The following MACF1 variants were observed in gnomAD, a reference collection of about 807,000 sequenced individuals.
The protein encoded by MACF1 is microtubule-actin cross-linking factor 1.
A neutral mutation model predicts 854.8 loss-of-function variants in MACF1; 193 were observed. The observed-to-expected ratio is 0.23, with a 90% CI of 0.20 to 0.25. The LOEUF (loss-of-function observed/expected upper bound fraction) is 0.25, where lower values mean the gene tolerates loss of function less well. MACF1 is among the 10% of genes least tolerant of loss of function. The pLI is 1.00. For missense variants in MACF1, 7,722 were observed against 8,929.1 expected (o/e 0.86, Z 5.45); for synonymous variants, 3,185 against 3,226.7 (o/e 0.99, Z 0.44).
chr1:39,433,644 G>A (rs783818), intron 68 of MACF1, among the ~76,000 whole-genome samples: 5,737 of 152,176 alleles, frequency 0.038, 311 homozygotes, highest in African/African-American at 0.12. Context: ...AACTGACTGA[G>A]CTACTCATCC....
At chr1:39,356,564 G>C (rs955955445) in intron 44 of MACF1, among the ~76,000 whole-genome samples, 2 of 152,054 alleles carry the variant, frequency 1.3e-5, no homozygotes, top group Non-Finnish European at 2.9e-5. Context: ...GTAGAGACAG[G>C]GTTTCACCAT....
At chr1:39,210,546 G>A (rs1644502679) in intron 1 of MACF1, among the ~76,000 whole-genome samples, 1 of 151,786 alleles carries the variant, frequency 6.6e-6, no homozygotes, top group African/African-American at 2.4e-5. Flanking sequence ...TTTGTATGGT[G>A]TAGTAGAAAA....
intron 58 of MACF1, among the ~76,000 whole-genome samples, chr1:39,390,939 CTACTAAAAAAAAATACAAAAAATTAGCT>C (rs1642008914): frequency 6.6e-6 from 1 of 151,860 alleles, no homozygotes; most frequent in African/African-American, 2.4e-5. Context: ...AACCCTGTCT[CTACTAAAAAAAAATACAAAAAATTAGCT>C]GGGTATGGTG....
At chr1:39,276,330 A>G (rs995386125) in intron 6 of MACF1, among the ~76,000 whole-genome samples, 2 of 151,964 alleles carry the variant, frequency 1.3e-5, no homozygotes, top group African/African-American at 4.8e-5. Context: ...GCTCAGAACA[A>G]CTCGTCTCAT....
At position 39,382,168 on chromosome 1, in the gene MACF1, A is replaced by G; in HGVS notation, c.13848+16A>G. ...ACAGGTCCAGGTGAGCAATATAGCAACAAAGAAATTGGAATCACATGAAAC... is the reference window on the plus strand; with the variant it reads ...ACAGGTCCAGGTGAGCAATATAGCAGCAAAGAAATTGGAATCACATGAAAC... On this transcript the variant is annotated intron_variant, in intron 56 of 100. Coordinates refer to ENST00000564288, the MANE Select transcript of MACF1 (RefSeq NM_001394062.1). 1 of 1,609,682 alleles carries G rather than the reference A, an allele frequency of 6.2e-7. No individual in the cohort carries two copies.
rs1317556693 is a variant in MACF1 at position 39,429,865 on chromosome 1, A to C, written c.16927A>C (p.Ile5643Leu). Residue 5643 changes from isoleucine (I) to leucine (L), a missense_variant, in exon 65 of 101, where the codon ATA becomes CTA. By Grantham distance (5) the Ile-to-Leu change is conservative. This residue lies in a region of MACF1 where 2,807 missense variants were observed against 3,235.8 expected (regional missense o/e 0.87). Coordinates refer to ENST00000564288, the MANE Select transcript of MACF1 (RefSeq NM_001394062.1). ...ACTTATCCAGGAAAAACTAGATGGT[A>C]TAAAGACTCGTTACGCAGACATCAC... ...VLLIQEKLDGIKTRYADITVT... is the reference protein window; with the variant it reads ...VLLIQEKLDGLKTRYADITVT... 28 of 1,614,020 alleles carry C rather than the reference A, an allele frequency of 1.7e-5. No individual in the cohort carries two copies. The highest frequency in any genetic ancestry group is 2.3e-5 in the Non-Finnish European group (27 of 1,179,978).
At chr1:39,348,614 G>T (rs1021811613) in intron 41 of MACF1, among the ~76,000 whole-genome samples, 1 of 152,180 alleles carries the variant, frequency 6.6e-6, no homozygotes, top group Non-Finnish European at 1.5e-5. Context: ...GTCCTAAAGA[G>T]GGGGAGAGAG....
At chr1:39,232,746 G>GTTTTTTTTT (rs10712180) in intron 2 of MACF1, among the ~76,000 whole-genome samples, 33 of 128,474 alleles carry the variant, frequency 2.6e-4, no homozygotes, top group Non-Finnish European at 3.7e-4. Flanking sequence ...TACTCTCTTT[G>GTTTTTTTTT]TTTTTTTTTT....
At position 39,432,574 on chromosome 1, in the gene MACF1, G is replaced by A; in HGVS notation, c.17377G>A (p.Glu5793Lys). The part of the protein sequence containing the change: ...AADAELAWVA[E>K]TKRKLMALGP... Reference sequence around the variant, plus strand: ...CGATGCAGAACTAGCTTGGGTTGCTGAAACAAAACGGAAACTGATGGCTCT... The same window carrying A: ...CGATGCAGAACTAGCTTGGGTTGCTAAAACAAAACGGAAACTGATGGCTCT... Residue 5793 changes from glutamate (E) to lysine (K), a missense_variant, in exon 67 of 101, where the codon GAA becomes AAA. Coordinates refer to ENST00000564288, the MANE Select transcript of MACF1 (RefSeq NM_001394062.1). 1.9e-6 allele frequency: 3 copies of A among 1,614,070 alleles called. No homozygotes were observed. Among genetic ancestry groups the A allele is most frequent in the Non-Finnish European group, 2.5e-6 (3 of 1,179,962 alleles).
chr1:39,429,727 AGC>A (rs1261136806), intron 64 of MACF1, 98 bp from the exon 65 acceptor site: 18 of 1,111,040 alleles, frequency 1.6e-5, no homozygotes, highest in Non-Finnish European at 2.4e-5. Flanking sequence ...AGAGAGAGAG[AGC>A]GTCTATGAAA....
chr1:39,429,180 C>CT (rs1643819918), intron 63 of MACF1, 62 bp from the exon 64 acceptor site: 1 of 836,562 alleles, frequency 1.2e-6, no homozygotes, highest in Admixed American at 2.0e-5. Flanking sequence ...TCTTAAAGGT[C>CT]TCGCATTTTG....
chr1:39,135,004 A>G (rs1222398752), intron 2 of MACF1, among the ~76,000 whole-genome samples: 1 of 151,720 alleles, frequency 6.6e-6, no homozygotes, highest in Non-Finnish European at 1.5e-5. Flanking sequence ...GCATTTGACT[A>G]CTCTATGTAC....
At chr1:39,394,571 C>T (rs1298122692) in intron 58 of MACF1, among the ~76,000 whole-genome samples, 1 of 151,832 alleles carries the variant, frequency 6.6e-6, no homozygotes, top group Non-Finnish European at 1.5e-5. Context: ...TGCAGTGAGC[C>T]GAGATCGCAC....
intron 2 of MACF1, among the ~76,000 whole-genome samples, chr1:39,162,194 G>A (rs1643812970): frequency 6.6e-6 from 1 of 152,008 alleles, no homozygotes; most frequent in African/African-American, 2.4e-5. Context: ...TAGAGATGGG[G>A]TTTCGCCATG....
At chr1:39,469,744 A>T (rs1449844514) in intron 97 of MACF1, 129 bp downstream of exon 97, 2 of 716,582 alleles carry the variant, frequency 2.8e-6, no homozygotes, top group Non-Finnish European at 4.9e-6. Flanking sequence ...TGGCCAAACC[A>T]TAGCTTTTCT....
intron 58 of MACF1, chr1:39,411,843 A>G: frequency 1.2e-6 from 2 of 1,613,916 alleles, no homozygotes; most frequent in South Asian, 1.1e-5. Flanking sequence ...TTTTACATGT[A>G]AGGGCAAAAG....
In MACF1 at chr1:39,413,052, A is replaced by G. The variant is rs776166898; in HGVS notation, c.15817-9322A>G. 3.1e-6 allele frequency: 5 copies of G among 1,594,206 alleles called. No individual in the cohort carries two copies. In the African/African-American group the frequency reaches 4.0e-5, roughly 13 times the overall value. On this transcript the variant is annotated intron_variant, in intron 58 of 100. Transcript: ENST00000564288. The stretch of plus-strand genomic sequence containing the variant: ...CTGCAGTTGCTGCAGTGTCCTCCCC[A>G]GAGGAGACTGCTCCAGCTGTTGCAG...
At chr1:39,150,582 G>A (rs903533593) in intron 2 of MACF1, among the ~76,000 whole-genome samples, 6 of 152,138 alleles carry the variant, frequency 3.9e-5, no homozygotes, top group African/African-American at 1.2e-4. Context: ...TTTCACAGCC[G>A]TGTTCTTTGT....
chr1:39,243,690 A>G (rs1644950040), intron 2 of MACF1, among the ~76,000 whole-genome samples: 1 of 152,222 alleles, frequency 6.6e-6, no homozygotes, highest in Non-Finnish European at 1.5e-5. Context: ...TGCTTGAGCC[A>G]CCGCACCTGG....
Sources: gnomAD v4.1 joint callset for allele counts (sites outside exome capture counted in the v4.1 genomes callset) on GRCh38, gnomAD v4.1.1 for gene constraint, gnomAD v4.1.1 regional missense constraint, MANE v1.5 for transcripts, NCBI Gene and HGNC (gene_info 2026-07-23, HGNC 2026-07-21) for gene names.